Variants in DNAH7 observed in about 807,000 individuals in gnomAD.
DNAH7 encodes dynein axonemal heavy chain 7.
Under a neutral mutation model 444.6 loss-of-function variants are expected in DNAH7, and 397 were observed. That is an observed-to-expected ratio of 0.89 (90% CI 0.82 to 0.97). DNAH7 has a LOEUF of 0.97. Ranked by LOEUF, DNAH7 falls within the 50% of genes least tolerant of loss-of-function variation. The pLI is 0.00. For missense variants in DNAH7, 4,902 were observed against 4,800.8 expected (o/e 1.02, Z -0.62); for synonymous variants, 1,636 against 1,624.4 (o/e 1.01, Z -0.17).
In DNAH7 at chr2:195,895,044, C is replaced by T. The variant is rs753441938; in HGVS notation, c.4828G>A (p.Glu1610Lys). 3.8e-5 allele frequency: 61 copies of T among 1,613,272 alleles called. No homozygotes were observed. The highest frequency in any genetic ancestry group is 5.3e-5 in the African/African-American group (4 of 74,908). Residue 1610 changes from glutamate to lysine, a missense_variant, in exon 30 of 65, where the codon GAA (glutamate) becomes AAA (lysine). Physicochemically the swap from Glu to Lys is moderately conservative, Grantham distance 56. Transcript: ENST00000312428. ...GCACTAGTTTTTCCTCCAAATGGTT[C>T]TCCAACAATCATAAAACCATGACGC... The part of the protein sequence containing the change: ...IVRHGFMIVG[E>K]PFGGKTSAYR...
intron 9 of DNAH7, among the ~76,000 whole-genome samples, chr2:196,015,859 C>T (rs6712964): frequency 0.067 from 10,254 of 152,116 alleles, 463 homozygotes; most frequent in African/African-American, 0.13. Context: ...TGTTGACTGT[C>T]CCCCCACTCT....
intron 49 of DNAH7, 151 bp downstream of exon 49, chr2:195,824,104 T>C: frequency 1.6e-6 from 1 of 644,942 alleles, no homozygotes; most frequent in Non-Finnish European, 2.4e-6. Flanking sequence ...AATGCAACAT[T>C]TGGAAATTAT....
chr2:195,746,730 C>T (rs1388097736), intron 63 of DNAH7, among the ~76,000 whole-genome samples: 1 of 152,178 alleles, frequency 6.6e-6, no homozygotes, highest in Non-Finnish European at 1.5e-5. Context: ...ACTCAACAAC[C>T]TGCTCCTGAA....
chr2:195,994,370 TA>T, intron 12 of DNAH7: 1 of 714,412 alleles, frequency 1.4e-6, no homozygotes, highest in Non-Finnish European at 2.3e-6. Context: ...GGGGAGGCAG[TA>T]AGTTTACAAA....
intron 47 of DNAH7, among the ~76,000 whole-genome samples, chr2:195,842,132 A>T (rs564908233): frequency 1.3e-5 from 2 of 152,090 alleles, no homozygotes; most frequent in African/African-American, 4.8e-5. Context: ...AAGCAGAGTT[A>T]TATCAGATAC....
Position 195,924,605 on chromosome 2 carries a change from A to G in DNAH7, c.3613-798T>C, listed in dbSNP as rs181554420. The stretch of plus-strand genomic sequence containing the variant: ...CGAGACTCCATCACAAAAAAAAAAA[A>G]AGAGAGAGAGAGAGCAAGAGAGAGG... On this transcript the variant is annotated intron_variant, in intron 22 of 64. Coordinates refer to ENST00000312428, the MANE Select transcript of DNAH7 (RefSeq NM_018897.3). 2.2e-4 allele frequency among the ~76,000 whole-genome samples: 33 copies of G among 151,246 alleles called. No homozygotes were observed. The East Asian group carries it at 3.5e-3, about 16-fold the overall frequency.
At chr2:195,862,910 C>T (rs937086808) in intron 41 of DNAH7, among the ~76,000 whole-genome samples, 1 of 152,274 alleles carries the variant, frequency 6.6e-6, no homozygotes, top group African/African-American at 2.4e-5. Flanking sequence ...GTGGTGGGTG[C>T]CTGTAATCCC....
chr2:195,756,812 C>T (rs1011432124), intron 61 of DNAH7, among the ~76,000 whole-genome samples: 3 of 151,838 alleles, frequency 2.0e-5, no homozygotes, highest in East Asian at 2.0e-4. Flanking sequence ...GGCCACATGG[C>T]GAAACCTCAC....
chr2:195,851,160 G>A (rs976685812), intron 46 of DNAH7, among the ~76,000 whole-genome samples: 3 of 152,148 alleles, frequency 2.0e-5, no homozygotes, highest in East Asian at 1.9e-4. Flanking sequence ...CAACCCTTAC[G>A]CTGAGAATTG....
In DNAH7 at chr2:195,845,013, C is replaced by G; in HGVS notation, c.8934G>C (p.Gly2978=). ...AATATTTTTCTTACATTATGATTAT[C>G]CCATTATCAATGGAAAATGAGTCAG... ...LPSDSFSIDN[G]IIIMNARRWP... The change falls in exon 47 of 65, where the codon GGG becomes GGC. Residue 2978 remains glycine (G), a synonymous_variant. Transcript: ENST00000312428. The G allele has an allele frequency of 6.2e-7, 1 of 1,612,914 alleles. No homozygotes were observed.
In DNAH7 at chr2:196,019,144, A is replaced by C. The variant is rs544887553; in HGVS notation, c.869+26T>G. The stretch of plus-strand genomic sequence containing the variant: ...AACAACTTCCCTCTATATTTTAAAA[A>C]CCTCTATAAGGCCACATATACTCAC... On this transcript the variant is annotated intron_variant, in intron 9 of 64. Transcript: ENST00000312428. 6 of 1,393,666 alleles carry C rather than the reference A, an allele frequency of 4.3e-6. No individual in the cohort carries two copies. The African/African-American group carries it at 8.8e-5, about 20-fold the overall frequency. The allele number at this position is 1,393,666 out of a possible 1,614,324, so 86.3% of individuals were successfully genotyped here.
At chr2:195,914,295 T>TGA in intron 24 of DNAH7, among the ~76,000 whole-genome samples, 1 of 152,362 alleles carries the variant, frequency 6.6e-6, no homozygotes. Flanking sequence ...GATTGATAGG[T>TGA]GAAATTTAAG....
At chr2:195,821,803 T>C (rs1697485843) in intron 49 of DNAH7, among the ~76,000 whole-genome samples, 1 of 152,226 alleles carries the variant, frequency 6.6e-6, no homozygotes. Context: ...CTCCTGCTAC[T>C]GGGTGGGAGA....
At chr2:196,040,821 A>C (rs1390885939) in intron 5 of DNAH7, among the ~76,000 whole-genome samples, 5 of 152,116 alleles carry the variant, frequency 3.3e-5, no homozygotes, top group African/African-American at 1.2e-4. Flanking sequence ...AGAAAGAAAA[A>C]AAAGGACTCC....
chr2:195,756,170 T>TA lies in DNAH7; in HGVS notation c.11548dup (p.Tyr3850LeufsTer4). On this transcript the variant is annotated frameshift_variant, in exon 62 of 65. Coordinates refer to ENST00000312428, the MANE Select transcript of DNAH7 (RefSeq NM_018897.3). LOFTEE classifies it high-confidence loss of function. ...TAGTCTTGCAAGGAAGTCATTCACA[T>TA]AGCTGCCAAGTGGTTTAAGGCTTGG... 6.2e-7 allele frequency: 1 copy of TA among 1,609,774 alleles called. No individual in the cohort carries two copies. The highest frequency in any genetic ancestry group is 8.5e-7 in the Non-Finnish European group (1 of 1,177,302).
chr2:195,917,676 G>C (rs948354926), intron 24 of DNAH7, among the ~76,000 whole-genome samples: 1 of 152,100 alleles, frequency 6.6e-6, no homozygotes, highest in Non-Finnish European at 1.5e-5. Context: ...AATTGAGGTT[G>C]CTTCAGACCT....
chr2:196,029,324 C>A (rs947728640), intron 5 of DNAH7, among the ~76,000 whole-genome samples: 1 of 151,990 alleles, frequency 6.6e-6, no homozygotes, highest in Non-Finnish European at 1.5e-5. Context: ...TTCTAAGAAT[C>A]AAACAAACCT....
intron 19 of DNAH7, among the ~76,000 whole-genome samples, chr2:195,940,645 ATC>A (rs971121862): frequency 1.3e-5 from 2 of 152,090 alleles, no homozygotes; most frequent in African/African-American, 4.8e-5. Flanking sequence ...AAGGGCTAAT[ATC>A]CAGAATCTAC....
chr2:195,936,095 C>T (rs951353067), intron 20 of DNAH7, among the ~76,000 whole-genome samples: 2 of 152,092 alleles, frequency 1.3e-5, no homozygotes, highest in Non-Finnish European at 1.5e-5. Context: ...GAAATCTGGC[C>T]AGGCACGGTG....
Sources: allele counts gnomAD v4.1 joint callset (sites outside exome capture counted in the v4.1 genomes callset), GRCh38; gene constraint gnomAD v4.1.1; transcripts MANE v1.5; gene names NCBI Gene and HGNC (gene_info 2026-07-23, HGNC 2026-07-21).